The following GPR157 variants were observed in gnomAD, a reference collection of about 807,000 sequenced individuals.
GPR157 encodes G protein-coupled receptor 157.
Under a neutral mutation model 23.5 loss-of-function variants are expected in GPR157, and 16 were observed. The ratio of observed to expected loss-of-function variants is 0.68; its 90% CI spans 0.46 to 1.04. The LOEUF is 1.04. GPR157 is among the 50% of genes least tolerant of loss of function. The pLI is 0.00. For synonymous variants in GPR157, 200 were observed against 221.5 expected (o/e 0.90, Z 0.86); for missense variants, 440 against 460.7 (o/e 0.96, Z 0.41).
At position 9,101,052 on chromosome 1, in the gene GPR157, T is replaced by A. The variant is rs1480584526; in HGVS notation, c.*3367A>T. ...AAAGAAGTAACAGCCCCTCCTGGACTTGTTTTATTTTTTGAGATGGAGTCT... is the reference window on the plus strand; with the variant it reads ...AAAGAAGTAACAGCCCCTCCTGGACATGTTTTATTTTTTGAGATGGAGTCT... On this transcript the variant is annotated 3_prime_UTR_variant, in exon 4 of 4. Coordinates refer to ENST00000377411, the MANE Select transcript of GPR157 (RefSeq NM_024980.5). The A allele has an allele frequency of 6.6e-6, 1 of 152,094 alleles. No individual in the cohort carries two copies. Among genetic ancestry groups the A allele is most frequent in the East Asian group, 1.9e-4 (1 of 5,158 alleles). 9.4% of individuals were successfully genotyped at this position (152,094 alleles called of 1,614,324 possible). A position where few individuals can be genotyped will look rare whatever the true frequency, so the allele number is the denominator to read the frequency against.
At position 9,113,671 on chromosome 1, in the gene GPR157, C is replaced by T. The variant is rs545525239; in HGVS notation, c.384-2182G>A. 9.2e-5 allele frequency among the ~76,000 whole-genome samples: 14 copies of T among 151,668 alleles called. No individual in the cohort carries two copies. In the South Asian group the frequency reaches 2.5e-3, roughly 27 times the overall value. On this transcript the variant is annotated intron_variant, in intron 1 of 3. Coordinates refer to ENST00000377411, the MANE Select transcript of GPR157 (RefSeq NM_024980.5). ...CAAAAAGACCACAAAAGGCCAGGCG[C>T]GGTGGCTCATGCCTGTAATCCCAAC...
Position 9,128,570 on chromosome 1 carries a change from C to A in GPR157, c.383+75G>T. On this transcript the variant is annotated intron_variant, in intron 1 of 3. Transcript: ENST00000377411. The surrounding 1 kb of genome is among the most constrained non-coding windows in gnomAD (Gnocchi z 6.3). Reference sequence around the variant, plus strand: ...TAGGGGGTGTCCAACCTAGACGCGGCCTCTGGGAGGGCAAGACCGGGAGGG... The same window carrying A: ...TAGGGGGTGTCCAACCTAGACGCGGACTCTGGGAGGGCAAGACCGGGAGGG... 1 of 1,421,844 alleles carries A rather than the reference C, an allele frequency of 7.0e-7. No individual in the cohort carries two copies. Among genetic ancestry groups the A allele is most frequent in the Non-Finnish European group, 9.8e-7 (1 of 1,019,830 alleles). 88.1% of individuals were successfully genotyped at this position (1,421,844 alleles called of 1,614,324 possible). A position where few individuals can be genotyped will look rare whatever the true frequency, so the allele number is the denominator to read the frequency against.
intron 1 of GPR157, among the ~76,000 whole-genome samples, chr1:9,121,671 C>G (rs1638800677): frequency 6.6e-6 from 1 of 152,142 alleles, no homozygotes; most frequent in Non-Finnish European, 1.5e-5. Flanking sequence ...AATTAGAGAA[C>G]TCTGACAACC....
At chr1:9,112,110 C>T (rs1638521710) in intron 1 of GPR157, among the ~76,000 whole-genome samples, 2 of 152,346 alleles carry the variant, frequency 1.3e-5, no homozygotes, top group South Asian at 4.1e-4. Flanking sequence ...GACAGTGGTA[C>T]TGCGTGAGGC....
intron 1 of GPR157, among the ~76,000 whole-genome samples, chr1:9,125,701 G>A (rs1638950100): frequency 1.3e-5 from 2 of 152,140 alleles, no homozygotes; most frequent in Non-Finnish European, 2.9e-5. Flanking sequence ...CAGAAGGGGA[G>A]GGTAGACTCT....
chr1:9,106,758 G>A (rs1466066211), intron 2 of GPR157, among the ~76,000 whole-genome samples: 1 of 152,190 alleles, frequency 6.6e-6, no homozygotes, highest in Non-Finnish European at 1.5e-5. Flanking sequence ...GAAGTCAGGA[G>A]TTCGAGACCA....
At chr1:9,104,684 A>AAC (rs763155021) in intron 3 of GPR157, 50 bp from the exon 4 acceptor site, 1 of 1,367,876 alleles carries the variant, frequency 7.3e-7, no homozygotes, top group South Asian at 1.3e-5. Context: ...TGGTCTCAGA[A>AAC]ACACACGCGC....
At chr1:9,126,426 A>G (rs745943034) in intron 1 of GPR157, among the ~76,000 whole-genome samples, 4 of 152,202 alleles carry the variant, frequency 2.6e-5, no homozygotes, top group Non-Finnish European at 5.9e-5. Flanking sequence ...TGGGTTTAAA[A>G]CAATTCAATT....
At chr1:9,116,152 A>AT (rs1638629888) in intron 1 of GPR157, among the ~76,000 whole-genome samples, 1 of 40,148 alleles carries the variant, frequency 2.5e-5, no homozygotes, top group Non-Finnish European at 4.7e-5. Flanking sequence ...ATATTATATT[A>AT]TATATATATA....
intron 1 of GPR157, among the ~76,000 whole-genome samples, chr1:9,122,201 G>T (rs546248699): frequency 6.6e-6 from 1 of 152,146 alleles, no homozygotes; most frequent in Admixed American, 6.6e-5. Flanking sequence ...GGTGGGCGTG[G>T]TAAACACACA....
intron 2 of GPR157, among the ~76,000 whole-genome samples, chr1:9,106,173 T>C (rs188566232): frequency 1.3e-3 from 204 of 152,234 alleles, no homozygotes; most frequent in African/African-American, 4.6e-3. Context: ...AGTGCTGGGA[T>C]TACAGGCATG....
chr1:9,129,003 C>A lies in GPR157; in HGVS notation c.25G>T (p.Glu9Ter). Reference protein sequence around the residue: MQPSPPPTELVPSERAVVL... With the variant: MQPSPPPT The stretch of plus-strand genomic sequence containing the variant: ...ACGGCGCGCTCCGACGGCACCAGCT[C>A]GGTGGGCGGCGGGGACGGCTGCATG... Residue 9 changes from glutamate (E) to a stop codon, truncating the protein, a stop_gained, in exon 1 of 4, where the codon GAG becomes TAG. Coordinates refer to ENST00000377411, the MANE Select transcript of GPR157 (RefSeq NM_024980.5). LOFTEE classifies it high-confidence loss of function. The A allele has an allele frequency of 1.5e-6, 2 of 1,311,434 alleles. No homozygotes were observed. The highest frequency in any genetic ancestry group is 2.2e-5 in the South Asian group (1 of 46,334). The allele number at this position is 1,311,434 out of a possible 1,614,324, so 81.2% of individuals were successfully genotyped here.
In GPR157 at chr1:9,100,864, T is replaced by G. The variant is rs938977996; in HGVS notation, c.*3555A>C. The G allele has an allele frequency of 1.3e-5, 2 of 151,998 alleles. No homozygotes were observed. Among genetic ancestry groups the G allele is most frequent in the Non-Finnish European group, 2.9e-5 (2 of 68,072 alleles). 9.4% of individuals were successfully genotyped at this position (151,998 alleles called of 1,614,324 possible). On this transcript the variant is annotated 3_prime_UTR_variant, in exon 4 of 4. Transcript: ENST00000377411. ...CCTTGTCTCTACAAAAAGTCAAAAT[T>G]TAGCCAGGCCTGTGGTCCCAGCTTC...
Position 9,103,486 on chromosome 1 carries a change from T to G in GPR157, c.*933A>C, listed in dbSNP as rs1214797444. 1.3e-5 allele frequency: 2 copies of G among 152,184 alleles called. No individual in the cohort carries two copies. Among genetic ancestry groups the G allele is most frequent in the African/African-American group, 4.8e-5 (2 of 41,438 alleles). The allele number at this position is 152,184 out of a possible 1,614,324, so 9.4% of individuals were successfully genotyped here. A position where few individuals can be genotyped will look rare whatever the true frequency, so the allele number is the denominator to read the frequency against. On this transcript the variant is annotated 3_prime_UTR_variant, in exon 4 of 4. Transcript: ENST00000377411. ...GCCTGAGGAATCGTATTTGGATTACTCATCTCTCCGGCCACTTTACTTACA... is the reference window on the plus strand; with the variant it reads ...GCCTGAGGAATCGTATTTGGATTACGCATCTCTCCGGCCACTTTACTTACA...
rs1638768464 is a variant in GPR157 at position 9,120,144 on chromosome 1, T to C, written c.383+8501A>G. 6.6e-6 allele frequency among the ~76,000 whole-genome samples: 1 copy of C among 152,116 alleles called. No individual in the cohort carries two copies. Among genetic ancestry groups the C allele is most frequent in the South Asian group, 2.1e-4 (1 of 4,828 alleles). ...ACAGTTATATTGAAAAGCAGCCCAC[T>C]GGTTTTCAAAGACCCTTAGGATGCC... On this transcript the variant is annotated intron_variant, in intron 1 of 3. Coordinates refer to ENST00000377411, the MANE Select transcript of GPR157 (RefSeq NM_024980.5). This position sits in a 1 kb window ranked among gnomAD's most constrained non-coding sequence, Gnocchi z 4.1.
rs191096752 is a variant in GPR157, at chr1:9,128,997, C to T, written c.31G>A (p.Val11Met). Reference sequence around the variant, plus strand: ...AGCACCACGGCGCGCTCCGACGGCACCAGCTCGGTGGGCGGCGGGGACGGC... The same window carrying T: ...AGCACCACGGCGCGCTCCGACGGCATCAGCTCGGTGGGCGGCGGGGACGGC... MQPSPPPTEL[V>M]PSERAVVLLS... The change falls in exon 1 of 4, where the codon GTG (valine) becomes ATG (methionine). Residue 11 changes from valine to methionine, a missense_variant. Transcript: ENST00000377411. The surrounding 1 kb of genome is among the most constrained non-coding windows in gnomAD (Gnocchi z 6.3). The T allele has an allele frequency of 4.7e-5, 62 of 1,325,480 alleles. No individual in the cohort carries two copies. The East Asian group carries it at 1.9e-3, about 40-fold the overall frequency. 82.1% of individuals were successfully genotyped at this position (1,325,480 alleles called of 1,614,324 possible).
intron 1 of GPR157, among the ~76,000 whole-genome samples, chr1:9,116,307 T>TATATATA (rs1638666261): frequency 0.041 from 506 of 12,388 alleles, 2 homozygotes; most frequent in South Asian, 0.048. Flanking sequence ...ATATATATTA[T>TATATATA]ATTATATATA....
chr1:9,106,741 A>C (rs1010025601), intron 2 of GPR157, among the ~76,000 whole-genome samples: 1 of 152,204 alleles, frequency 6.6e-6, no homozygotes, highest in Non-Finnish European at 1.5e-5. Flanking sequence ...AGGTGGGTAG[A>C]TTGCTTGAAG....
chr1:9,100,607 G>GTGCA lies in GPR157; in HGVS notation c.*3808_*3811dup, dbSNP rs768182109. 1.3e-5 allele frequency: 2 copies of GTGCA among 152,242 alleles called. No individual in the cohort carries two copies. The highest frequency in any genetic ancestry group is 2.9e-5 in the Non-Finnish European group (2 of 68,052). The allele number at this position is 152,242 out of a possible 1,614,324, so 9.4% of individuals were successfully genotyped here. ...TGGTTAAAAGACCAAAGTTCAGAAA[G>GTGCA]TGCATGGGAGAGGGACGCTGAGCTG... On this transcript the variant is annotated 3_prime_UTR_variant, in exon 4 of 4. Transcript: ENST00000377411.
Sources: gnomAD v4.1 joint callset for allele counts (sites outside exome capture counted in the v4.1 genomes callset) on GRCh38, gnomAD v4.1.1 for gene constraint, Gnocchi (gnomAD v3.1) non-coding constraint, MANE v1.5 for transcripts, NCBI Gene and HGNC (gene_info 2026-07-23, HGNC 2026-07-21) for gene names.